IDNK: variants seen among roughly 807,000 people sequenced by gnomAD.
IDNK encodes gluconokinase.
IDNK carries 9 observed loss-of-function variants against 13.0 expected under a neutral mutation model. The ratio of observed to expected loss-of-function variants is 0.69; its 90% confidence interval spans 0.42 to 1.21. The LOEUF (loss-of-function observed/expected upper bound fraction) is 1.21, where lower values mean the gene tolerates loss of function less well. Among genes scored for constraint, IDNK ranks in the 50% most tolerant of loss-of-function variants. The pLI, the probability that IDNK is intolerant of heterozygous loss-of-function variation, is 0.00. For missense variants in IDNK, 210 were observed against 237.8 expected (o/e 0.88, Z 0.77); for synonymous variants, 92 against 94.9 (o/e 0.97, Z 0.18).
In IDNK at chr9:83,643,692, C is replaced by A; in HGVS notation, c.476C>A (p.Ala159Glu). The change falls in exon 5 of 5, where the codon GCA becomes GAA. Residue 159 changes from alanine (A) to glutamate (E), a missense_variant. Ala to Glu is a moderately radical substitution (Grantham distance 107). Coordinates refer to ENST00000376419, the MANE Select transcript of IDNK (RefSeq NM_001001551.4). Reference sequence around the variant, plus strand: ...CAGTTTGAGACTCTGGAGCCCCCAGCAGCTCCAGAAAACTTTATCCAAATA... The same window carrying A: ...CAGTTTGAGACTCTGGAGCCCCCAGAAGCTCCAGAAAACTTTATCCAAATA... Reference protein sequence around the residue: ...QSQFETLEPPAAPENFIQISV... With the variant: ...QSQFETLEPPEAPENFIQISV... 1 of 1,613,778 alleles carries A rather than the reference C, an allele frequency of 6.2e-7. No individual in the cohort carries two copies. The highest frequency in any genetic ancestry group is 2.2e-5 in the East Asian group (1 of 44,874).
intron 3 of IDNK, 37 bp downstream of exon 3, chr9:83,628,996 A>G: frequency 6.5e-7 from 1 of 1,530,034 alleles, no homozygotes; most frequent in South Asian, 1.1e-5. Flanking sequence ...CACATATTCC[A>G]CCTGGGTGAC....
chr9:83,643,345 AG>A (rs1478207318), intron 4 of IDNK, 83 bp from the exon 5 acceptor site: 1 of 1,070,260 alleles, frequency 9.3e-7, no homozygotes, highest in Non-Finnish European at 1.3e-6. Context: ...GTAGGACTAG[AG>A]TCCTGCAACT....
At chr9:83,643,266 ATATT>A (rs1342514065) in intron 4 of IDNK, among the ~76,000 whole-genome samples, 159 bp from the exon 5 acceptor site, 1 of 152,188 alleles carries the variant, frequency 6.6e-6, no homozygotes, top group Admixed American at 6.5e-5. Flanking sequence ...CTAGCAGAAG[ATATT>A]TAACTCGATG....
chr9:83,633,707 C>T (rs761465495), intron 3 of IDNK, among the ~76,000 whole-genome samples: 27 of 152,176 alleles, frequency 1.8e-4, no homozygotes, highest in Non-Finnish European at 3.5e-4. Flanking sequence ...GAATTATATA[C>T]GATCCCCACT....
rs115503782 is a variant in IDNK, at chr9:83,628,835, C to G, written c.82-38C>G. The G allele has an allele frequency of 2.0e-4, 286 of 1,441,018 alleles. No individual in the cohort carries two copies. In the African/African-American group the frequency reaches 2.9e-3, roughly 15 times the overall value. The allele number at this position is 1,441,018 out of a possible 1,614,324, so 89.3% of individuals were successfully genotyped here. A position where few individuals can be genotyped will look rare whatever the true frequency, so the allele number is the denominator to read the frequency against. On this transcript the variant is annotated intron_variant, in intron 2 of 4. Coordinates refer to ENST00000376419, the MANE Select transcript of IDNK (RefSeq NM_001001551.4). Reference sequence around the variant, plus strand: ...CACAATGACTATCACATTGGCCCATCTGCCTGCCACATACACCCTTTCACT... The same window carrying G: ...CACAATGACTATCACATTGGCCCATGTGCCTGCCACATACACCCTTTCACT...
chr9:83,623,782 G>A (rs1198269444), intron 1 of IDNK, among the ~76,000 whole-genome samples: 1 of 152,246 alleles, frequency 6.6e-6, no homozygotes, highest in Non-Finnish European at 1.5e-5. Context: ...GGTGGCTCCT[G>A]AGGGTTTGGA....
intron 1 of IDNK, chr9:83,626,689 T>C (rs1231849466): frequency 4.7e-6 from 6 of 1,274,020 alleles, no homozygotes; most frequent in Non-Finnish European, 6.1e-6. Context: ...AGTGCTGGGA[T>C]TATAGGCGTG....
At chr9:83,623,299 G>A (rs979464148) in intron 1 of IDNK, 78 bp downstream of exon 1, 1 of 1,264,960 alleles carries the variant, frequency 7.9e-7, no homozygotes, top group Non-Finnish European at 1.0e-6. Flanking sequence ...CGCCGTCCCT[G>A]CCGGTGGACT....
chr9:83,642,156 TC>T (rs35899069), intron 4 of IDNK, among the ~76,000 whole-genome samples: 30,927 of 151,032 alleles, frequency 0.2, 3,382 homozygotes, highest in African/African-American at 0.25. Context: ...GCGAACAGGG[TC>T]CCCCCCCAAC....
At chr9:83,633,118 T>C (rs931522497) in intron 3 of IDNK, among the ~76,000 whole-genome samples, 7 of 151,982 alleles carry the variant, frequency 4.6e-5, no homozygotes, top group Admixed American at 4.6e-4. Flanking sequence ...GGCGGGCAGA[T>C]CACAAGGTCA....
At chr9:83,638,355 A>G (rs1228848624) in intron 3 of IDNK, among the ~76,000 whole-genome samples, 1 of 152,236 alleles carries the variant, frequency 6.6e-6, no homozygotes, top group African/African-American at 2.4e-5. Context: ...AGAGAGAACT[A>G]GTGAATTAGA....
At chr9:83,631,945 T>C (rs943069991) in intron 3 of IDNK, among the ~76,000 whole-genome samples, 2 of 151,590 alleles carry the variant, frequency 1.3e-5, no homozygotes, top group African/African-American at 4.9e-5. Flanking sequence ...TCAAAGTCTA[T>C]TGTAAAAAGA....
At chr9:83,633,671 T>C (rs962407960) in intron 3 of IDNK, among the ~76,000 whole-genome samples, 5 of 152,240 alleles carry the variant, frequency 3.3e-5, no homozygotes, top group Non-Finnish European at 7.3e-5. Context: ...ATTCCTTTTC[T>C]TATTTAAATC....
At chr9:83,628,650 C>CA (rs34312050) in intron 2 of IDNK, among the ~76,000 whole-genome samples, 37,980 of 131,142 alleles carry the variant, frequency 0.29, 6,185 homozygotes, top group East Asian at 0.84. Flanking sequence ...GACTACATTT[C>CA]AAAAAAAAAA....
chr9:83,635,394 C>T lies in IDNK; in HGVS notation c.169-6154C>T, dbSNP rs575911257. On this transcript the variant is annotated intron_variant, in intron 3 of 4. Coordinates refer to ENST00000376419, the MANE Select transcript of IDNK (RefSeq NM_001001551.4). ...GAGTTAGGACCAAAGAATCTGGTGG[C>T]GCGAGACCATGCATTAGTAGGAAAA... 1.1e-4 allele frequency among the ~76,000 whole-genome samples: 16 copies of T among 152,274 alleles called. No homozygotes were observed. The South Asian group carries it at 2.3e-3, about 22-fold the overall frequency.
intron 1 of IDNK, among the ~76,000 whole-genome samples, chr9:83,624,864 C>T (rs549514925): frequency 1.7e-4 from 26 of 152,264 alleles, no homozygotes; most frequent in South Asian, 1.5e-3. Context: ...TAGGCGCCCA[C>T]CACCATGCAC....
At chr9:83,635,467 C>T (rs1831138513) in intron 3 of IDNK, among the ~76,000 whole-genome samples, 1 of 152,252 alleles carries the variant, frequency 6.6e-6, no homozygotes, top group Non-Finnish European at 1.5e-5. Context: ...GCCAAGGCAC[C>T]ATGTCCGCTG....
intron 3 of IDNK, among the ~76,000 whole-genome samples, chr9:83,641,305 G>A (rs1587622080): frequency 1.3e-5 from 2 of 152,224 alleles, no homozygotes; most frequent in South Asian, 2.1e-4. Flanking sequence ...ATTAATATGG[G>A]GAGATACATA....
In IDNK at chr9:83,642,207, G is replaced by A. The variant is rs549694579; in HGVS notation, c.212+616G>A. Among the ~76,000 whole-genome samples the A allele has an allele frequency of 2.6e-5, 4 of 152,276 alleles. No homozygotes were observed. In the South Asian group the frequency reaches 6.2e-4, roughly 24 times the overall value. On this transcript the variant is annotated intron_variant, in intron 4 of 4. Coordinates refer to ENST00000376419, the MANE Select transcript of IDNK (RefSeq NM_001001551.4). ...CAGTGGAAATCCTGGTCGGGACGTG[G>A]AGAAGGATAAGGAAAAGGCAGGGAG...
Sources: gnomAD v4.1 joint callset for allele counts (sites outside exome capture counted in the v4.1 genomes callset) on GRCh38, gnomAD v4.1.1 for gene constraint, MANE v1.5 for transcripts, NCBI Gene and HGNC (gene_info 2026-07-23, HGNC 2026-07-21) for gene names.